Variants in BMPR2 observed in about 807,000 individuals in gnomAD.
The protein encoded by BMPR2 is bone morphogenetic protein receptor type 2.
Under a neutral mutation model 100.8 loss-of-function variants are expected in BMPR2, and 29 were observed. The observed-to-expected ratio is 0.29, with a 90% CI of 0.21 to 0.39. The LOEUF (loss-of-function observed/expected upper bound fraction) is 0.39. Ranked by LOEUF, BMPR2 falls within the 10% of genes least tolerant of loss-of-function variation. BMPR2 has a pLI of 1.00. For synonymous variants in BMPR2, 382 were observed against 442.3 expected (o/e 0.86, Z 1.71); for missense variants, 1,011 against 1,274.5 (o/e 0.79, Z 3.15).
chr2:202,484,985 A>AAAAG (rs1420848511), intron 3 of BMPR2, among the ~76,000 whole-genome samples: 39 of 148,826 alleles, frequency 2.6e-4, no homozygotes, highest in African/African-American at 9.0e-4. Context: ...AAAAAAAAAA[A>AAAAG]AAAGAAAGAA....
At chr2:202,491,204 G>A (rs1692893706) in intron 3 of BMPR2, among the ~76,000 whole-genome samples, 1 of 152,074 alleles carries the variant, frequency 6.6e-6, no homozygotes, top group Non-Finnish European at 1.5e-5. Context: ...CTACACAGAT[G>A]CGCCACTACA....
chr2:202,382,751 G>A (rs1690329741), intron 1 of BMPR2, among the ~76,000 whole-genome samples: 2 of 152,182 alleles, frequency 1.3e-5, no homozygotes, highest in African/African-American at 4.8e-5. Flanking sequence ...CCACTGTTGG[G>A]AGTTAATGAG....
At chr2:202,481,022 AT>A (rs1692650172) in intron 3 of BMPR2, among the ~76,000 whole-genome samples, 1 of 151,238 alleles carries the variant, frequency 6.6e-6, no homozygotes. Flanking sequence ...TGAACTCTTA[AT>A]TCTATTCCAT....
chr2:202,498,001 C>A (rs1317065486), intron 3 of BMPR2, among the ~76,000 whole-genome samples: 1 of 152,118 alleles, frequency 6.6e-6, no homozygotes, highest in African/African-American at 2.4e-5. Flanking sequence ...ATATGGGGAG[C>A]CTTAGAAATT....
In BMPR2 at chr2:202,377,379, T is replaced by C; in HGVS notation, c.-96T>C. 1 of 1,180,426 alleles carries C rather than the reference T, an allele frequency of 8.5e-7. No individual in the cohort carries two copies. Among genetic ancestry groups the C allele is most frequent in the Non-Finnish European group, 1.3e-6 (1 of 784,262 alleles). 73.1% of individuals were successfully genotyped at this position (1,180,426 alleles called of 1,614,324 possible). A position where few individuals can be genotyped will look rare whatever the true frequency, so the allele number is the denominator to read the frequency against. Reference sequence around the variant, plus strand: ...TGTATTGTGATACGGGCAGGATCAGTCCACGGGAGAGAAGACGAGCCTCCC... The same window carrying C: ...TGTATTGTGATACGGGCAGGATCAGCCCACGGGAGAGAAGACGAGCCTCCC... On this transcript the variant is annotated 5_prime_UTR_variant, in exon 1 of 13. Transcript: ENST00000374580.
intron 1 of BMPR2, among the ~76,000 whole-genome samples, chr2:202,399,239 C>T (rs553675436): frequency 7.2e-5 from 11 of 152,260 alleles, no homozygotes; most frequent in African/African-American, 1.9e-4. Flanking sequence ...GGGAAGGCCA[C>T]TCACATTAGA....
At position 202,376,972 on chromosome 2, in the gene BMPR2, C is replaced by A; in HGVS notation, c.-503C>A. On this transcript the variant is annotated 5_prime_UTR_variant, in exon 1 of 13. Transcript: ENST00000374580. ...AGCGAAACTTAAGGAATCCTGCCTT[C>A]CCGGAGCCGCGGGCGATGCGACTAG... 2.2e-6 allele frequency: 1 copy of A among 448,938 alleles called. No homozygotes were observed. The highest frequency in any genetic ancestry group is 3.9e-5 in the Admixed American group (1 of 25,936). 27.8% of individuals were successfully genotyped at this position (448,938 alleles called of 1,614,324 possible).
At chr2:202,393,906 A>C (rs931987749) in intron 1 of BMPR2, among the ~76,000 whole-genome samples, 33 of 148,010 alleles carry the variant, frequency 2.2e-4, no homozygotes, top group African/African-American at 8.3e-4. Flanking sequence ...AGAGAGAGAG[A>C]GAGAGAGAGA....
In BMPR2 at chr2:202,448,308, G is replaced by A. The variant is rs181476549; in HGVS notation, c.77-16501G>A. 6.6e-5 allele frequency among the ~76,000 whole-genome samples: 10 copies of A among 150,668 alleles called. No homozygotes were observed. The South Asian group carries it at 1.1e-3, about 16-fold the overall frequency. ...TCTACAAATACAAAAAAAATTAGCC[G>A]GGCATGGTGGCTGGCGTAGTCCCAG... is the stretch of plus-strand genomic sequence containing the variant. On this transcript the variant is annotated intron_variant, in intron 1 of 12. Coordinates refer to ENST00000374580, the MANE Select transcript of BMPR2 (RefSeq NM_001204.7).
rs370738313 is a variant in BMPR2, at chr2:202,510,982, G to GTTTTTTTTTT, written c.419-2728_419-2719dup. ...GAGTGAGCCACCGCACCTGGCTTTA[G>GTTTTTTTTTT]TTTTTTTTTTTTTTTTTTGATTGAA... On this transcript the variant is annotated intron_variant, in intron 3 of 12. Coordinates refer to ENST00000374580, the MANE Select transcript of BMPR2 (RefSeq NM_001204.7). 1.5e-5 allele frequency among the ~76,000 whole-genome samples: 2 copies of GTTTTTTTTTT among 132,002 alleles called. 1 individual carries two copies. 86.6% of individuals were successfully genotyped at this position (132,002 alleles called of 152,430 possible).
chr2:202,545,223 A>ACCTCCCCC (rs1268680826), intron 10 of BMPR2, among the ~76,000 whole-genome samples: 1 of 3,708 alleles, frequency 2.7e-4, no homozygotes, highest in Non-Finnish European at 7.1e-4. Context: ...TCCCCTCCCC[A>ACCTCCCCC]CACACCTGGC....
intron 3 of BMPR2, among the ~76,000 whole-genome samples, chr2:202,496,986 G>A (rs1693045111): frequency 6.6e-6 from 1 of 152,240 alleles, no homozygotes; most frequent in South Asian, 2.1e-4. Context: ...CATGGGCTTG[G>A]CGGGCCCCGC....
intron 1 of BMPR2, among the ~76,000 whole-genome samples, chr2:202,434,863 CAGTG>C (rs1269957285): frequency 1.0e-5 from 1 of 98,344 alleles, no homozygotes; most frequent in Non-Finnish European, 1.8e-5. Context: ...CCTGGTGACA[CAGTG>C]AGACTCTGTC....
intron 10 of BMPR2, among the ~76,000 whole-genome samples, chr2:202,551,902 C>T (rs59074472): frequency 7.4e-4 from 108 of 146,328 alleles, no homozygotes; most frequent in Middle Eastern, 3.8e-3. Context: ...CTCACTCTGT[C>T]GCCCAGTCTG....
chr2:202,450,437 A>G (rs1178263707), intron 1 of BMPR2, among the ~76,000 whole-genome samples: 1 of 152,164 alleles, frequency 6.6e-6, no homozygotes, highest in African/African-American at 2.4e-5. Context: ...CATGCTTGTA[A>G]TCCCAGCACT....
At chr2:202,546,230 A>G (rs1396968829) in intron 10 of BMPR2, among the ~76,000 whole-genome samples, 2 of 152,234 alleles carry the variant, frequency 1.3e-5, no homozygotes, top group African/African-American at 2.4e-5. Flanking sequence ...TAGCAAGTAC[A>G]TAGTTTATAA....
At chr2:202,402,239 C>T (rs1690780480) in intron 1 of BMPR2, among the ~76,000 whole-genome samples, 1 of 152,106 alleles carries the variant, frequency 6.6e-6, no homozygotes, top group Non-Finnish European at 1.5e-5. Flanking sequence ...ATCAATTTGG[C>T]CGGGTGTGGT....
chr2:202,404,415 C>T (rs746619053), intron 1 of BMPR2, among the ~76,000 whole-genome samples: 1 of 152,004 alleles, frequency 6.6e-6, no homozygotes, highest in Non-Finnish European at 1.5e-5. Flanking sequence ...AGGCTGGTCT[C>T]GAGCTCCTGG....
chr2:202,483,658 CA>C (rs978733917), intron 3 of BMPR2, among the ~76,000 whole-genome samples: 14 of 152,276 alleles, frequency 9.2e-5, no homozygotes, highest in African/African-American at 3.1e-4. Flanking sequence ...CTAGGCCTCC[CA>C]AAGTGCTGGG....
Sources: allele counts gnomAD v4.1 joint callset (sites outside exome capture counted in the v4.1 genomes callset), GRCh38; gene constraint gnomAD v4.1.1; transcripts MANE v1.5; gene names NCBI Gene and HGNC (gene_info 2026-07-23, HGNC 2026-07-21).